The following GRIN2A variants were observed in gnomAD, a reference collection of about 807,000 sequenced individuals.
GRIN2A encodes glutamate ionotropic receptor NMDA type subunit 2A, also known as glutamate receptor ionotropic, NMDA 2A.
GRIN2A carries 22 observed loss-of-function variants against 113.4 expected under a neutral mutation model. The observed-to-expected ratio is 0.19, with a 90% confidence interval of 0.14 to 0.28. The LOEUF (loss-of-function observed/expected upper bound fraction) is 0.28, where lower values mean the gene tolerates loss of function less well. Ranked by LOEUF, GRIN2A falls within the 10% of genes least tolerant of loss-of-function variation. The probability of loss-of-function intolerance (pLI) is 1.00; values close to 1 mark genes in which losing one functional copy is unlikely to be tolerated. For synonymous variants in GRIN2A, 827 were observed against 738.4 expected, an observed-to-expected ratio of 1.12 and a Z score of -1.94; for missense variants, 1,502 against 1,887.0, an observed-to-expected ratio of 0.80 and a Z score of 3.78.
intron 2 of GRIN2A, among the ~76,000 whole-genome samples, chr16:10,122,623 A>G (rs532851575): frequency 6.6e-6 from 1 of 152,274 alleles, no homozygotes; most frequent in East Asian, 1.9e-4. Context: ...AATGGGGAGC[A>G]TTAAAATTTT....
chr16:9,959,036 A>G (rs1033468802), intron 2 of GRIN2A, among the ~76,000 whole-genome samples: 2 of 152,146 alleles, frequency 1.3e-5, no homozygotes, highest in East Asian at 3.9e-4. Context: ...AATTTTTACA[A>G]CCATCTCCCT....
rs555010190 is a variant in GRIN2A, at chr16:9,913,041, T to G, written c.1008-21941A>C. Among the ~76,000 whole-genome samples the G allele has an allele frequency of 2.2e-4, 33 of 152,374 alleles. No individual in the cohort carries two copies. In the Middle Eastern group the frequency reaches 0.017, roughly 79 times the overall value. On this transcript the variant is annotated intron_variant, in intron 3 of 12. Coordinates refer to ENST00000330684, the MANE Select transcript of GRIN2A (RefSeq NM_001134407.3). Reference sequence around the variant, plus strand: ...CAGTCTTCCTGCCAGAAGATTCCAGTGTCCACATGATTTCTCTCCACTTCT... The same window carrying G: ...CAGTCTTCCTGCCAGAAGATTCCAGGGTCCACATGATTTCTCTCCACTTCT...
Position 9,813,189 on chromosome 16 carries a change from T to C in GRIN2A, c.2168+9075A>G, listed in dbSNP as rs1428399372. 2.0e-5 allele frequency among the ~76,000 whole-genome samples: 3 copies of C among 152,232 alleles called. No homozygotes were observed. In the East Asian group the frequency reaches 5.8e-4, roughly 29 times the overall value. On this transcript the variant is annotated intron_variant, in intron 10 of 12. Coordinates refer to ENST00000330684, the MANE Select transcript of GRIN2A (RefSeq NM_001134407.3). Reference sequence around the variant, plus strand: ...AAGCAGTAAAAGCTAAATTAATTAATATTCCTCTAGCTCAATGAAATTATC... The same window carrying C: ...AAGCAGTAAAAGCTAAATTAATTAACATTCCTCTAGCTCAATGAAATTATC...
At chr16:9,819,919 CT>C (rs2042248823) in intron 10 of GRIN2A, among the ~76,000 whole-genome samples, 1 of 71,554 alleles carries the variant, frequency 1.4e-5, no homozygotes, top group South Asian at 5.8e-4. Flanking sequence ...GAAACTCCGT[CT>C]CAAAAAAAAA....
intron 2 of GRIN2A, chr16:10,111,439 G>A (rs75721537): frequency 1.0e-4 from 58 of 570,534 alleles, no homozygotes; most frequent in Admixed American, 7.9e-4. Context: ...CTGGCTCACC[G>A]TGCAGCAGCT....
chr16:10,140,865 C>T (rs1301299369), intron 2 of GRIN2A, among the ~76,000 whole-genome samples: 7 of 152,186 alleles, frequency 4.6e-5, no homozygotes, highest in Non-Finnish European at 7.3e-5. Flanking sequence ...TGTCTTGCCA[C>T]ACTGGGAGTT....
At chr16:10,122,647 G>C (rs1418532985) in intron 2 of GRIN2A, among the ~76,000 whole-genome samples, 1 of 152,142 alleles carries the variant, frequency 6.6e-6, no homozygotes, top group South Asian at 2.1e-4. Context: ...AAAGGAATTA[G>C]ATGAATATCC....
rs1313375919 is a variant in GRIN2A at position 9,762,339 on chromosome 16, C to G, written c.*810G>C. 1 of 226,746 alleles carries G rather than the reference C, an allele frequency of 4.4e-6. No individual in the cohort carries two copies. Among genetic ancestry groups the G allele is most frequent in the Admixed American group, 5.7e-5 (1 of 17,534 alleles). The allele number at this position is 226,746 out of a possible 1,614,324, so 14.0% of individuals were successfully genotyped here. The stretch of plus-strand genomic sequence containing the variant: ...CTGTGTCACAGACAGAAGATCCACA[C>G]TTAGATCTCGGAGACATAAATGTGT... On this transcript the variant is annotated 3_prime_UTR_variant, in exon 13 of 13. Transcript: ENST00000330684.
At chr16:9,879,448 G>T (rs2043435437) in intron 4 of GRIN2A, among the ~76,000 whole-genome samples, 1 of 152,082 alleles carries the variant, frequency 6.6e-6, no homozygotes, top group African/African-American at 2.4e-5. Flanking sequence ...CCTCTGTCAT[G>T]CATCTGCCAG....
Position 10,180,414 on chromosome 16 carries a change from T to C in GRIN2A, c.-3A>G, listed in dbSNP as rs751200161. On this transcript the variant is annotated 5_prime_UTR_variant, in exon 2 of 13. Coordinates refer to ENST00000330684, the MANE Select transcript of GRIN2A (RefSeq NM_001134407.3). The surrounding 1 kb of genome is among the most constrained non-coding windows in gnomAD (Gnocchi z 7.0). The stretch of plus-strand genomic sequence containing the variant: ...GTCCAATAGCCCACTCTGCCCATAG[T>C]CGCCACTGACGGTCCCTGCAAGGTG... 1 of 1,604,746 alleles carries C rather than the reference T, an allele frequency of 6.2e-7. No homozygotes were observed. Among genetic ancestry groups the C allele is most frequent in the South Asian group, 1.1e-5 (1 of 90,958 alleles).
rs578260620 is a variant in GRIN2A, at chr16:9,906,600, G to C, written c.1008-15500C>G. 3.3e-5 allele frequency among the ~76,000 whole-genome samples: 5 copies of C among 152,262 alleles called. No individual in the cohort carries two copies. In the South Asian group the frequency reaches 1.0e-3, roughly 32 times the overall value. On this transcript the variant is annotated intron_variant, in intron 3 of 12. Transcript: ENST00000330684. ...GTCTTTCTGGATTAAAAAAGTATGT[G>C]AATCAATACTTAGTTTAGATGAGTT...
chr16:9,879,333 A>G (rs1187706472), intron 4 of GRIN2A, among the ~76,000 whole-genome samples: 2 of 152,194 alleles, frequency 1.3e-5, no homozygotes, highest in Non-Finnish European at 2.9e-5. Context: ...GAGATGAACA[A>G]TGTCATTTAC....
intron 2 of GRIN2A, among the ~76,000 whole-genome samples, chr16:10,123,247 T>C (rs1028482266): frequency 2.0e-5 from 3 of 152,200 alleles, no homozygotes; most frequent in African/African-American, 4.8e-5. Context: ...TCCCTTGCAA[T>C]AGGGACACTC....
intron 2 of GRIN2A, among the ~76,000 whole-genome samples, chr16:9,943,858 C>T (rs547941744): frequency 6.6e-6 from 1 of 152,340 alleles, no homozygotes; most frequent in South Asian, 2.1e-4. Flanking sequence ...GAAAGGGAAT[C>T]TCTGTGGCCT....
intron 2 of GRIN2A, among the ~76,000 whole-genome samples, chr16:10,109,523 T>C (rs2048569057): frequency 6.6e-6 from 1 of 150,918 alleles, no homozygotes; most frequent in African/African-American, 2.4e-5. Flanking sequence ...CCCCACAAAA[T>C]ATGAGCAGAT....
intron 11 of GRIN2A, among the ~76,000 whole-genome samples, chr16:9,783,372 G>A (rs921799453): frequency 3.9e-5 from 6 of 152,176 alleles, no homozygotes; most frequent in Non-Finnish European, 8.8e-5. Context: ...CAAATGTGGG[G>A]TTTTCAGTTT....
intron 2 of GRIN2A, among the ~76,000 whole-genome samples, chr16:10,080,328 T>A (rs1407696030): frequency 6.6e-6 from 1 of 152,232 alleles, no homozygotes; most frequent in Admixed American, 6.5e-5. Flanking sequence ...CACCTTTTTA[T>A]GATTAGGCTT....
At chr16:10,044,022 T>TATATAGAGAGAGATAGAGAGAG (rs531659457) in intron 2 of GRIN2A, among the ~76,000 whole-genome samples, 1 of 108,016 alleles carries the variant, frequency 9.3e-6, no homozygotes, top group African/African-American at 3.9e-5. Context: ...TATATATATA[T>TATATAGAGAGAGATAGAGAGAG]AGAGAGAGAG....
At chr16:9,990,167 G>T (rs1022434497) in intron 2 of GRIN2A, among the ~76,000 whole-genome samples, 8 of 152,140 alleles carry the variant, frequency 5.3e-5, no homozygotes, top group Non-Finnish European at 1.2e-4. Context: ...TAAAGAAAAT[G>T]TGATATATAT....
Sources: gnomAD v4.1 joint callset for allele counts (sites outside exome capture counted in the v4.1 genomes callset) on GRCh38, gnomAD v4.1.1 for gene constraint, Gnocchi (gnomAD v3.1) non-coding constraint, MANE v1.5 for transcripts, NCBI Gene and HGNC (gene_info 2026-07-23, HGNC 2026-07-21) for gene names.